The following LYN variants were observed in gnomAD, a reference collection of about 807,000 sequenced individuals.
LYN encodes LYN proto-oncogene, Src family tyrosine kinase, also known as tyrosine-protein kinase Lyn.
In LYN, 12 loss-of-function variants were observed where a neutral mutation model predicts 65.0. The ratio of observed to expected loss-of-function variants is 0.18; its 90% confidence interval spans 0.12 to 0.30. The LOEUF (loss-of-function observed/expected upper bound fraction) is 0.30. Ranked by LOEUF, LYN falls within the 10% of genes least tolerant of loss-of-function variation. The pLI is 1.00. For synonymous variants in LYN, 222 were observed against 221.2 expected, an observed-to-expected ratio of 1.00 and a Z score of -0.03; for missense variants, 380 against 623.2, an observed-to-expected ratio of 0.61 and a Z score of 4.16.
At chr8:55,906,985 G>A (rs575480641) in intron 1 of LYN, among the ~76,000 whole-genome samples, 134 of 152,288 alleles carry the variant, frequency 8.8e-4, no homozygotes, top group Non-Finnish European at 1.6e-3. Context: ...TCAGGGAGAC[G>A]AGTATAAACA....
chr8:55,885,050 C>T lies in LYN; in HGVS notation c.-6+4947C>T, dbSNP rs372990460. Among the ~76,000 whole-genome samples the T allele has an allele frequency of 3.9e-5, 6 of 152,210 alleles. No individual in the cohort carries two copies. In the East Asian group the frequency reaches 9.6e-4, roughly 24 times the overall value. The stretch of plus-strand genomic sequence containing the variant: ...CCTCAGGCTTCCAGTACCCCTTCTT[C>T]TGCTCTCCCCACTTCATTCCCTATC... On this transcript the variant is annotated intron_variant, in intron 1 of 12. Coordinates refer to ENST00000519728, the MANE Select transcript of LYN (RefSeq NM_002350.4).
chr8:55,957,894 G>C (rs1311588006), intron 8 of LYN, among the ~76,000 whole-genome samples: 3 of 152,178 alleles, frequency 2.0e-5, no homozygotes, highest in Admixed American at 2.0e-4. Flanking sequence ...GTTGCAGTGA[G>C]CTGAGATTGC....
At chr8:55,976,951 G>A (rs975545248) in intron 10 of LYN, among the ~76,000 whole-genome samples, 2 of 152,112 alleles carry the variant, frequency 1.3e-5, no homozygotes, top group South Asian at 2.1e-4. Context: ...TTGGGAGGCC[G>A]AGGTGGGTGG....
At chr8:55,919,487 A>G (rs1429568087) in intron 1 of LYN, among the ~76,000 whole-genome samples, 2 of 152,180 alleles carry the variant, frequency 1.3e-5, no homozygotes, top group South Asian at 2.1e-4. Flanking sequence ...TGATTTAGAA[A>G]TTGACTGATT....
intron 12 of LYN, among the ~76,000 whole-genome samples, chr8:56,005,840 T>C (rs1423631684): frequency 3.3e-5 from 5 of 152,094 alleles, no homozygotes; most frequent in Non-Finnish European, 5.9e-5. Context: ...TCCCAGCACT[T>C]TGGGAGGCCG....
chr8:55,909,256 C>T (rs917854818), intron 1 of LYN, among the ~76,000 whole-genome samples: 1 of 152,022 alleles, frequency 6.6e-6, no homozygotes, highest in Non-Finnish European at 1.5e-5. Flanking sequence ...TTTCCAGCTG[C>T]ACCCTGTTTC....
intron 12 of LYN, among the ~76,000 whole-genome samples, chr8:56,006,676 A>T (rs540963776): frequency 6.6e-6 from 1 of 152,262 alleles, no homozygotes; most frequent in East Asian, 1.9e-4. Context: ...CATGTCTCAG[A>T]GCTCAGTGCT....
Position 55,990,343 on chromosome 8 carries a change from G to A in LYN, c.1051-8003G>A, listed in dbSNP as rs186502608. 1.2e-4 allele frequency among the ~76,000 whole-genome samples: 18 copies of A among 152,126 alleles called. No individual in the cohort carries two copies. In the South Asian group the frequency reaches 2.7e-3, roughly 23 times the overall value. ...AGCTTGAGTTAAGGTATAGGAAGTG[G>A]TGGTTGTAGAAGCAAAGGTTCTTAT... is the stretch of plus-strand genomic sequence containing the variant. On this transcript the variant is annotated intron_variant, in intron 10 of 12. Coordinates refer to ENST00000519728, the MANE Select transcript of LYN (RefSeq NM_002350.4).
intron 6 of LYN, among the ~76,000 whole-genome samples, chr8:55,951,092 A>G (rs73590305): frequency 0.08 from 12,070 of 151,734 alleles, 1,009 homozygotes; most frequent in African/African-American, 0.21. Context: ...GAAATACAAA[A>G]CTTAGCCAGG....
intron 8 of LYN, among the ~76,000 whole-genome samples, chr8:55,964,258 C>A (rs1477429212): frequency 1.3e-5 from 2 of 151,756 alleles, no homozygotes; most frequent in African/African-American, 4.8e-5. Flanking sequence ...AGAAGGGGGT[C>A]TCACTATATT....
At chr8:55,950,415 T>C (rs1451757003) in intron 4 of LYN, 44 bp from the exon 5 acceptor site, 1 of 1,217,452 alleles carries the variant, frequency 8.2e-7, no homozygotes, top group Admixed American at 1.9e-5. Flanking sequence ...ATGCATGGAG[T>C]ATGTAATCTT....
chr8:55,980,076 C>T (rs1189807070), intron 10 of LYN, among the ~76,000 whole-genome samples: 1 of 152,258 alleles, frequency 6.6e-6, no homozygotes, highest in Non-Finnish European at 1.5e-5. Flanking sequence ...GGTGGCCACA[C>T]AGGGTCCCCC....
chr8:55,986,892 A>T (rs540361999), intron 10 of LYN, among the ~76,000 whole-genome samples: 1 of 152,188 alleles, frequency 6.6e-6, no homozygotes, highest in African/African-American at 2.4e-5. Flanking sequence ...CACCCGGCTA[A>T]TTTTTAATTT....
At chr8:55,902,015 C>CTT (rs11424284) in intron 1 of LYN, among the ~76,000 whole-genome samples, 3,021 of 149,850 alleles carry the variant, frequency 0.02, 54 homozygotes, top group South Asian at 0.03. Context: ...CCTGTACTTT[C>CTT]TTTTTTTTTT....
rs769769478 is a variant in LYN, at chr8:55,941,932, C to T, written c.73C>T (p.Arg25Cys). 18 of 1,611,636 alleles carry T rather than the reference C, an allele frequency of 1.1e-5. No individual in the cohort carries two copies. The highest frequency in any genetic ancestry group is 1.3e-5 in the African/African-American group (1 of 74,804). Residue 25 changes from arginine (R) to cysteine (C), a missense_variant, in exon 2 of 13, where the codon CGT becomes TGT. This residue lies in a region of LYN where 157 missense variants were observed against 193.2 expected (regional missense o/e 0.81). Coordinates refer to ENST00000519728, the MANE Select transcript of LYN (RefSeq NM_002350.4). The stretch of plus-strand genomic sequence containing the variant: ...AGTAGATTTGAAGACTCAACCAGTA[C>T]GTAATACTGAAAGAACTATTTATGT... ...DGVDLKTQPV[R>C]NTERTIYVRD...
chr8:56,001,767 C>T (rs1563330275), intron 12 of LYN, among the ~76,000 whole-genome samples: 1 of 152,032 alleles, frequency 6.6e-6, no homozygotes, highest in Non-Finnish European at 1.5e-5. Context: ...TAATCTGACA[C>T]CTGATAAACA....
At chr8:55,932,571 C>T (rs1232802347) in intron 1 of LYN, among the ~76,000 whole-genome samples, 1 of 152,048 alleles carries the variant, frequency 6.6e-6, no homozygotes, top group Non-Finnish European at 1.5e-5. Context: ...CAAGCATGCA[C>T]CACCACGCCT....
At chr8:56,004,122 G>A (rs1475013985) in intron 12 of LYN, among the ~76,000 whole-genome samples, 2 of 151,116 alleles carry the variant, frequency 1.3e-5, no homozygotes, top group African/African-American at 2.4e-5. Context: ...AGTAGAGATG[G>A]GGTTTCTCCA....
chr8:55,957,767 AC>A (rs1331338269), intron 8 of LYN, among the ~76,000 whole-genome samples: 2 of 151,914 alleles, frequency 1.3e-5, no homozygotes, highest in Non-Finnish European at 2.9e-5. Context: ...ACATGGTGAA[AC>A]CCTGTCTCTA....
Sources: gnomAD v4.1 joint callset for allele counts (sites outside exome capture counted in the v4.1 genomes callset) on GRCh38, gnomAD v4.1.1 for gene constraint, gnomAD v4.1.1 regional missense constraint, MANE v1.5 for transcripts, NCBI Gene and HGNC (gene_info 2026-07-23, HGNC 2026-07-21) for gene names.